The following RAB38 variants were observed in gnomAD, a reference collection of about 807,000 sequenced individuals.
RAB38 encodes the protein ras-related protein Rab-38.
Under a neutral mutation model 18.4 loss-of-function variants are expected in RAB38, and 15 were observed. The observed-to-expected ratio is 0.82, with a 90% CI of 0.55 to 1.26. RAB38 has a LOEUF of 1.26. RAB38 is among the 50% of genes most tolerant of loss of function. The pLI is 0.00. For synonymous variants in RAB38, 101 were observed against 104.4 expected, an observed-to-expected ratio of 0.97 and a Z score of 0.20; for missense variants, 294 against 267.4, an observed-to-expected ratio of 1.10 and a Z score of -0.69.
At chr11:87,892,061 T>A in the RAB38 span, among the ~76,000 whole-genome samples, 1 of 151,860 alleles carries the variant, frequency 6.6e-6, no homozygotes. Flanking sequence ...AATGTCTCTT[T>A]GATGAGGAAT....
chr11:88,142,158 T>C (rs887529421), intron 2 of RAB38, among the ~76,000 whole-genome samples: 3 of 152,206 alleles, frequency 2.0e-5, no homozygotes, highest in Non-Finnish European at 2.9e-5. Context: ...TGAGAAAGAC[T>C]GCTGAGAAGC....
the RAB38 span, among the ~76,000 whole-genome samples, chr11:88,045,429 C>T: frequency 6.6e-6 from 1 of 152,216 alleles, no homozygotes; most frequent in Non-Finnish European, 1.5e-5. Flanking sequence ...GGCGGCCAGG[C>T]ATTCCTCCAG....
At chr11:88,062,223 G>A in the RAB38 span, 1 of 151,868 alleles carries the variant, frequency 6.6e-6, no homozygotes, top group African/African-American at 2.4e-5. Context: ...CACGGGGGTG[G>A]TTTCCCCCAT....
chr11:87,970,640 G>T, the RAB38 span, among the ~76,000 whole-genome samples: 7 of 152,136 alleles, frequency 4.6e-5, no homozygotes, highest in East Asian at 1.2e-3. Context: ...GACTTAAACT[G>T]ATGATCTACA....
At chr11:88,032,627 C>G in the RAB38 span, among the ~76,000 whole-genome samples, 1 of 152,052 alleles carries the variant, frequency 6.6e-6, no homozygotes, top group African/African-American at 2.4e-5. Flanking sequence ...CATGAAAAAA[C>G]GCTCGCCATC....
chr11:87,920,184 T>C, the RAB38 span, among the ~76,000 whole-genome samples: 1 of 151,868 alleles, frequency 6.6e-6, no homozygotes, highest in Non-Finnish European at 1.5e-5. Flanking sequence ...CTTCTGCTAA[T>C]TTTCAGCTCA....
chr11:87,892,933 G>T, the RAB38 span, among the ~76,000 whole-genome samples: 1 of 151,772 alleles, frequency 6.6e-6, no homozygotes, highest in South Asian at 2.1e-4. Flanking sequence ...GAAATTGTCT[G>T]TTTGTGTACT....
At position 88,139,096 on chromosome 11, in the gene RAB38, T is replaced by A. The variant is rs185849886; in HGVS notation, c.483+10579A>T. On this transcript the variant is annotated intron_variant, in intron 2 of 2. Coordinates refer to ENST00000243662, the MANE Select transcript of RAB38 (RefSeq NM_022337.3). Reference sequence around the variant, plus strand: ...ACCATGCCTGGCCTATTATTCTTAATATTAAGATTCGCATGGTCTTGTTTT... The same window carrying A: ...ACCATGCCTGGCCTATTATTCTTAAAATTAAGATTCGCATGGTCTTGTTTT... 2.0e-5 allele frequency among the ~76,000 whole-genome samples: 3 copies of A among 152,316 alleles called. No homozygotes were observed. In the East Asian group the frequency reaches 5.8e-4, roughly 29 times the overall value.
the RAB38 span, among the ~76,000 whole-genome samples, chr11:87,820,746 C>G: frequency 6.6e-6 from 1 of 152,114 alleles, no homozygotes; most frequent in Non-Finnish European, 1.5e-5. Context: ...ATAAAATAAT[C>G]AGATCCAAAT....
At chr11:87,869,408 C>G in the RAB38 span, among the ~76,000 whole-genome samples, 12,422 of 151,556 alleles carry the variant, frequency 0.082, 1,358 homozygotes, top group African/African-American at 0.25. Flanking sequence ...TCCTTGAGAG[C>G]CTGAATAAGA....
chr11:87,893,379 T>TACCTATATATTTTAC, the RAB38 span, among the ~76,000 whole-genome samples: 10 of 33,298 alleles, frequency 3.0e-4, no homozygotes, highest in Non-Finnish European at 1.1e-3. Context: ...TACATATATA[T>TACCTATATATTTTAC]ATATATATAT....
the RAB38 span, among the ~76,000 whole-genome samples, chr11:88,027,496 G>T: frequency 6.6e-6 from 1 of 152,276 alleles, no homozygotes; most frequent in African/African-American, 2.4e-5. Context: ...GACGGCACCT[G>T]CAAAATTGGG....
the RAB38 span, among the ~76,000 whole-genome samples, chr11:87,850,188 C>A: frequency 1.3e-5 from 2 of 152,054 alleles, no homozygotes; most frequent in African/African-American, 4.8e-5. Flanking sequence ...ATAAAATAAC[C>A]ATTACTAAAG....
chr11:88,031,642 G>T, the RAB38 span, among the ~76,000 whole-genome samples: 1 of 151,488 alleles, frequency 6.6e-6, no homozygotes, highest in Non-Finnish European at 1.5e-5. Flanking sequence ...GCTTCAAAGA[G>T]AATAAAATAC....
At chr11:88,065,939 C>T in the RAB38 span, among the ~76,000 whole-genome samples, 3 of 152,146 alleles carry the variant, frequency 2.0e-5, no homozygotes, top group Admixed American at 6.5e-5. Context: ...TGGGAGAGGA[C>T]ATGTCAGGCA....
rs184401514 is a variant in RAB38 at position 88,124,224 on chromosome 11, C to G, written c.484-10084G>C. Among the ~76,000 whole-genome samples, 966 of 152,284 alleles carry G rather than the reference C, an allele frequency of 6.3e-3. 12 individuals are homozygous for G. The highest frequency in any genetic ancestry group is 0.022 in the African/African-American group (915 of 41,544). ...AGGACGTAGGCATGGGCAGGGACTT[C>G]ATGTCCAAAACACCAAAAGCAATGG... On this transcript the variant is annotated intron_variant, in intron 2 of 2. Coordinates refer to ENST00000243662, the MANE Select transcript of RAB38 (RefSeq NM_022337.3).
the RAB38 span, among the ~76,000 whole-genome samples, chr11:87,953,506 T>C: frequency 4.2e-4 from 64 of 152,280 alleles, no homozygotes; most frequent in Non-Finnish European, 8.4e-4. Flanking sequence ...AAAATATAAC[T>C]GTGCTATAAT....
At chr11:88,109,126 C>T (rs1402154113), downstream of RAB38, among the ~76,000 whole-genome samples, 1 of 152,002 alleles carries the variant, frequency 6.6e-6, no homozygotes. Flanking sequence ...TAGTGTTGCT[C>T]CTCAAACTAT....
chr11:87,922,218 T>A, the RAB38 span, among the ~76,000 whole-genome samples: 2 of 151,966 alleles, frequency 1.3e-5, no homozygotes, highest in African/African-American at 4.8e-5. Context: ...GGGAGACAGA[T>A]TGTGCAGCCT....
Sources: allele counts gnomAD v4.1 joint callset (sites outside exome capture counted in the v4.1 genomes callset), GRCh38; gene constraint gnomAD v4.1.1; transcripts MANE v1.5; gene names NCBI Gene and HGNC (gene_info 2026-07-23, HGNC 2026-07-21).